Variants in PEMT observed in about 807,000 individuals in gnomAD.
The protein encoded by PEMT is phospholipid methyltransferase.
Under a neutral mutation model 27.4 loss-of-function variants are expected in PEMT, and 23 were observed. The observed-to-expected ratio is 0.84, with a 90% confidence interval of 0.60 to 1.19. The LOEUF (loss-of-function observed/expected upper bound fraction) is 1.19. PEMT is among the 50% of genes most tolerant of loss of function. The pLI is 0.00. For missense variants in PEMT, 307 were observed against 310.1 expected (o/e 0.99, Z 0.07); for synonymous variants, 137 against 139.1 (o/e 0.98, Z 0.11).
At chr17:17,574,374 C>G (rs1390343289) in intron 2 of PEMT, among the ~76,000 whole-genome samples, 1 of 137,092 alleles carries the variant, frequency 7.3e-6, no homozygotes, top group African/African-American at 2.8e-5. Context: ...GGCTGGAGTA[C>G]AGTGGTGCCA....
chr17:17,545,354 C>G (rs1909184229), intron 2 of PEMT, among the ~76,000 whole-genome samples: 1 of 152,230 alleles, frequency 6.6e-6, no homozygotes, highest in African/African-American at 2.4e-5. Flanking sequence ...CCCATGGTCT[C>G]CAGCACGTTG....
intron 2 of PEMT, among the ~76,000 whole-genome samples, chr17:17,573,520 CAT>C (rs1911355837): frequency 6.7e-6 from 1 of 148,348 alleles, no homozygotes; most frequent in South Asian, 2.2e-4. Flanking sequence ...AAAGTAATAA[CAT>C]AAAAAATAAT....
intron 2 of PEMT, among the ~76,000 whole-genome samples, chr17:17,574,478 T>C (rs1258076952): frequency 1.3e-5 from 2 of 151,916 alleles, no homozygotes. Context: ...CACCATCACA[T>C]CCGGCTAAAT....
At chr17:17,575,949 A>G (rs1263946891) in intron 2 of PEMT, among the ~76,000 whole-genome samples, 1 of 152,172 alleles carries the variant, frequency 6.6e-6, no homozygotes, top group Non-Finnish European at 1.5e-5. Context: ...CCCTGGGATC[A>G]AGGGTTCACC....
At chr17:17,576,841 ACCACCGCGAT>A in intron 2 of PEMT, 69 bp downstream of exon 2, 1 of 1,171,684 alleles carries the variant, frequency 8.5e-7, no homozygotes, top group Non-Finnish European at 1.3e-6. Flanking sequence ...GCCAGCAGCA[ACCACCGCGAT>A]CCCCTGCATG....
chr17:17,545,857 T>C (rs1045967422), intron 2 of PEMT, among the ~76,000 whole-genome samples: 1 of 152,138 alleles, frequency 6.6e-6, no homozygotes, highest in African/African-American at 2.4e-5. Flanking sequence ...AGGTTCGTCC[T>C]CTCTACTTTT....
intron 2 of PEMT, among the ~76,000 whole-genome samples, chr17:17,527,212 T>C (rs1011462306): frequency 4.6e-5 from 7 of 152,180 alleles, no homozygotes; most frequent in Non-Finnish European, 1.0e-4. Flanking sequence ...TAATTTTGTA[T>C]TTTTAGTAGA....
chr17:17,581,133 A>C (rs1017211623), intron 1 of PEMT, among the ~76,000 whole-genome samples: 1 of 152,158 alleles, frequency 6.6e-6, no homozygotes, highest in African/African-American at 2.4e-5. Context: ...CTCTACAGCT[A>C]AGAGAGGTGC....
At chr17:17,532,952 G>A (rs544832777) in intron 2 of PEMT, among the ~76,000 whole-genome samples, 8 of 152,326 alleles carry the variant, frequency 5.3e-5, no homozygotes, top group Middle Eastern at 3.4e-3. Context: ...GCTTGAACTC[G>A]GGAGGCAGAG....
At chr17:17,578,333 T>C (rs561583116) in intron 1 of PEMT, among the ~76,000 whole-genome samples, 1 of 151,642 alleles carries the variant, frequency 6.6e-6, no homozygotes, top group East Asian at 2.0e-4. Flanking sequence ...CTAGGCAACA[T>C]AGTGAGACCC....
At chr17:17,588,422 TCCCCTGC>T (rs1403459168) in intron 1 of PEMT, among the ~76,000 whole-genome samples, 1 of 152,114 alleles carries the variant, frequency 6.6e-6, no homozygotes, top group Non-Finnish European at 1.5e-5. Flanking sequence ...GGGACCTGTG[TCCCCTGC>T]CCCAGGTCTC....
intron 5 of PEMT, 107 bp from the exon 6 acceptor site, chr17:17,506,408 G>A (rs181485219): frequency 1.8e-5 from 14 of 763,670 alleles, no homozygotes; most frequent in African/African-American, 7.1e-5. Flanking sequence ...CCCTCCGGCC[G>A]ACGCTGGGCC....
intron 3 of PEMT, among the ~76,000 whole-genome samples, chr17:17,516,847 C>T (rs79481899): frequency 1.3e-3 from 195 of 152,310 alleles, no homozygotes; most frequent in African/African-American, 4.4e-3. Flanking sequence ...TCCCCCCACC[C>T]CTTACTCTCC....
chr17:17,554,188 G>C (rs1255209569), intron 2 of PEMT, among the ~76,000 whole-genome samples: 1 of 152,260 alleles, frequency 6.6e-6, no homozygotes, highest in Admixed American at 6.5e-5. Context: ...GTGCAGAGAA[G>C]GTGTTTGGTT....
In PEMT at chr17:17,515,391, C is replaced by A. The variant is rs1906751280; in HGVS notation, c.321-2737G>T. Among the ~76,000 whole-genome samples, 3 of 152,168 alleles carry A rather than the reference C, an allele frequency of 2.0e-5. No homozygotes were observed. The South Asian group carries it at 6.2e-4, about 32-fold the overall frequency. ...GGGCCAGGGAGCGGGTGGGAGAGGC[C>A]CCAGATTTGCCCCAGACCTGACCCT... On this transcript the variant is annotated intron_variant, in intron 3 of 6. Coordinates refer to ENST00000255389, the MANE Select transcript of PEMT (RefSeq NM_148172.3).
chr17:17,507,101 G>A, intron 5 of PEMT: 1 of 1,479,336 alleles, frequency 6.8e-7, no homozygotes, highest in Non-Finnish European at 9.2e-7. Context: ...AGGAGCCCGG[G>A]CGCAGCTGCT....
At position 17,561,823 on chromosome 17, in the gene PEMT, G is replaced by A. The variant is rs1001016986; in HGVS notation, c.204+15097C>T. On this transcript the variant is annotated intron_variant, in intron 2 of 6. Transcript: ENST00000255389. This position sits in a 1 kb window ranked among gnomAD's most constrained non-coding sequence, Gnocchi z 4.5. The stretch of plus-strand genomic sequence containing the variant: ...AAGGACATGGGGGTACCACTTCCAC[G>A]TGGCTACCTCACGCGGACGCCCCAC... 6.6e-6 allele frequency among the ~76,000 whole-genome samples: 1 copy of A among 152,226 alleles called. No homozygotes were observed. Among genetic ancestry groups the A allele is most frequent in the South Asian group, 2.1e-4 (1 of 4,828 alleles).
At position 17,524,595 on chromosome 17, in the gene PEMT, C is replaced by T. The variant is rs541697150; in HGVS notation, c.205-2200G>A. On this transcript the variant is annotated intron_variant, in intron 2 of 6. Transcript: ENST00000255389. Reference sequence around the variant, plus strand: ...CCTGGGAGACATAGTGAGACCCTGTCTCTCCAAAAAAAAAAAAAAATAATA... The same window carrying T: ...CCTGGGAGACATAGTGAGACCCTGTTTCTCCAAAAAAAAAAAAAAATAATA... Among the ~76,000 whole-genome samples the T allele has an allele frequency of 2.6e-5, 3 of 115,296 alleles. No individual in the cohort carries two copies. In the South Asian group the frequency reaches 7.5e-4, roughly 29 times the overall value. The allele number at this position is 115,296 out of a possible 152,430, so 75.6% of individuals were successfully genotyped here. A position where few individuals can be genotyped will look rare whatever the true frequency, so the allele number is the denominator to read the frequency against.
intron 2 of PEMT, among the ~76,000 whole-genome samples, chr17:17,549,229 G>A (rs749149536): frequency 2.6e-5 from 4 of 151,886 alleles, no homozygotes; most frequent in South Asian, 2.1e-4. Context: ...TCACTCTGTC[G>A]CCCAGGCTGG....
Sources: gnomAD v4.1 joint callset for allele counts (sites outside exome capture counted in the v4.1 genomes callset) on GRCh38, gnomAD v4.1.1 for gene constraint, Gnocchi (gnomAD v3.1) non-coding constraint, MANE v1.5 for transcripts, NCBI Gene and HGNC (gene_info 2026-07-23, HGNC 2026-07-21) for gene names.